Variants in KAZN observed in about 807,000 individuals in gnomAD.
KAZN encodes kazrin.
KAZN carries 40 observed loss-of-function variants against 87.4 expected under a neutral mutation model. That is an observed-to-expected ratio of 0.46 (90% CI 0.36 to 0.60). The LOEUF is 0.60. Among genes scored for constraint, KAZN ranks in the 20% least tolerant of loss-of-function variants. KAZN has a pLI of 0.00. For missense variants in KAZN, 898 were observed against 1,073.9 expected, an observed-to-expected ratio of 0.84 and a Z score of 2.29; for synonymous variants, 466 against 458.3, an observed-to-expected ratio of 1.02 and a Z score of -0.22.
intron 5 of KAZN, among the ~76,000 whole-genome samples, chr1:15,058,610 C>A (rs1290366243): frequency 1.3e-5 from 2 of 151,912 alleles, no homozygotes; most frequent in South Asian, 2.1e-4. Context: ...TTATTGAGTA[C>A]CTATTATGTG....
intron 2 of KAZN, among the ~76,000 whole-genome samples, chr1:14,979,471 A>G (rs1666017117): frequency 6.6e-6 from 1 of 152,044 alleles, no homozygotes; most frequent in Admixed American, 6.5e-5. Flanking sequence ...CCTGCAATCA[A>G]TTGATCGTGA....
intron 1 of KAZN, among the ~76,000 whole-genome samples, chr1:14,074,484 A>ATGG (rs1281882859): frequency 6.6e-6 from 1 of 152,194 alleles, no homozygotes; most frequent in Non-Finnish European, 1.5e-5. Flanking sequence ...GGACCTGGGG[A>ATGG]AAAGCCTGTC....
chr1:14,596,308 GCACACACACACACACACA>G (rs56758780), upstream of KAZN, among the ~76,000 whole-genome samples: 1 of 150,190 alleles, frequency 6.7e-6, no homozygotes, highest in Non-Finnish European at 1.5e-5. Context: ...ACACGTGTGC[GCACACACACACACACACA>G]CACACACACA....
intron 1 of KAZN, among the ~76,000 whole-genome samples, chr1:14,878,737 G>A (rs1431396674): frequency 6.6e-6 from 1 of 152,186 alleles, no homozygotes; most frequent in Non-Finnish European, 1.5e-5. Context: ...GCGGCCTCTT[G>A]TCTGGCTCTA....
At chr1:14,563,566 G>T (rs1371573452) in intron 2 of KAZN, among the ~76,000 whole-genome samples, 1 of 152,090 alleles carries the variant, frequency 6.6e-6, no homozygotes, top group Non-Finnish European at 1.5e-5. Context: ...CTCAGTGGAT[G>T]ATGCCTCCGC....
chr1:14,048,557 C>A (rs1408459623), intron 1 of KAZN, among the ~76,000 whole-genome samples: 1 of 152,096 alleles, frequency 6.6e-6, no homozygotes, highest in Non-Finnish European at 1.5e-5. Context: ...GTGCCCACCA[C>A]CATGCCCAGC....
chr1:14,314,532 G>A (rs1426616233), intron 2 of KAZN, among the ~76,000 whole-genome samples: 1 of 152,092 alleles, frequency 6.6e-6, no homozygotes, highest in African/African-American at 2.4e-5. Flanking sequence ...TTTGGCACGG[G>A]ATGGGCCTTT....
chr1:14,622,427 A>C lies in KAZN; in HGVS notation c.226+23204A>C, dbSNP rs550685210. ...ATATTAAGGCCAGGCGTGGTGGCTC[A>C]TGCCTGTAATCCCAGCACTTTGGGA... is the stretch of plus-strand genomic sequence containing the variant. On this transcript the variant is annotated intron_variant, in intron 1 of 14. Coordinates refer to ENST00000376030, the MANE Select transcript of KAZN (RefSeq NM_201628.3). Among the ~76,000 whole-genome samples, 5 of 152,214 alleles carry C rather than the reference A, an allele frequency of 3.3e-5. No homozygotes were observed. The East Asian group carries it at 7.7e-4, about 24-fold the overall frequency.
intron 1 of KAZN, among the ~76,000 whole-genome samples, chr1:13,905,863 A>G (rs1168172042): frequency 2.0e-5 from 3 of 152,226 alleles, no homozygotes; most frequent in Non-Finnish European, 4.4e-5. Flanking sequence ...CGACAGAAAC[A>G]TATTATCTCA....
intron 1 of KAZN, among the ~76,000 whole-genome samples, chr1:14,704,389 T>G (rs1164750287): frequency 6.6e-6 from 1 of 152,236 alleles, no homozygotes; most frequent in African/African-American, 2.4e-5. Context: ...CAATTTGGAA[T>G]GCCATTGGTG....
At chr1:14,197,760 G>T (rs1646558918) in intron 2 of KAZN, among the ~76,000 whole-genome samples, 1 of 152,118 alleles carries the variant, frequency 6.6e-6, no homozygotes, top group African/African-American at 2.4e-5. Flanking sequence ...TAGACTAGAA[G>T]AATGAACAAA....
At chr1:14,528,612 C>A (rs1432088736) in intron 2 of KAZN, among the ~76,000 whole-genome samples, 1 of 151,244 alleles carries the variant, frequency 6.6e-6, no homozygotes, top group South Asian at 2.1e-4. Context: ...AGGTTGGCGT[C>A]GTGGCACATG....
At chr1:14,733,354 G>C (rs1055533826) in intron 1 of KAZN, among the ~76,000 whole-genome samples, 1 of 152,192 alleles carries the variant, frequency 6.6e-6, no homozygotes, top group Non-Finnish European at 1.5e-5. Context: ...AGAGTTTGAA[G>C]TTGATGAAAT....
At chr1:14,992,992 A>G (rs1667498888) in intron 2 of KAZN, among the ~76,000 whole-genome samples, 1 of 122,760 alleles carries the variant, frequency 8.1e-6, no homozygotes, top group Non-Finnish European at 1.6e-5. Context: ...TTTTTACCAC[A>G]ATTTTTTTTT....
At chr1:14,201,809 C>T (rs1435726813) in intron 2 of KAZN, among the ~76,000 whole-genome samples, 1 of 152,212 alleles carries the variant, frequency 6.6e-6, no homozygotes, top group African/African-American at 2.4e-5. Flanking sequence ...GCTGGGATTA[C>T]AGGCATGCAC....
chr1:13,994,243 C>T (rs754406388), intron 1 of KAZN, among the ~76,000 whole-genome samples: 11 of 152,178 alleles, frequency 7.2e-5, no homozygotes, highest in Non-Finnish European at 7.3e-5. Flanking sequence ...AAAGAGCTTA[C>T]GATGAGCTCA....
At chr1:14,492,838 G>A (rs559629353) in intron 2 of KAZN, among the ~76,000 whole-genome samples, 4 of 118,838 alleles carry the variant, frequency 3.4e-5, no homozygotes, top group Admixed American at 8.6e-5. Context: ...TATCACACAC[G>A]TACACACACC....
chr1:13,976,178 A>G (rs1387931724), intron 1 of KAZN, among the ~76,000 whole-genome samples: 1 of 152,222 alleles, frequency 6.6e-6, no homozygotes, highest in Non-Finnish European at 1.5e-5. Context: ...TTCCATTTAC[A>G]ATAATGACCA....
chr1:15,112,379 G>T, intron 13 of KAZN, 48 bp from the exon 14 acceptor site: 1 of 889,876 alleles, frequency 1.1e-6, no homozygotes, highest in South Asian at 1.4e-5. Flanking sequence ...GTGTGTCTGG[G>T]GAGCTGACTG....
Sources: allele counts gnomAD v4.1 joint callset (sites outside exome capture counted in the v4.1 genomes callset), GRCh38; gene constraint gnomAD v4.1.1; transcripts MANE v1.5; gene names NCBI Gene and HGNC (gene_info 2026-07-23, HGNC 2026-07-21).